The following ITGA9 variants were observed in gnomAD, a reference collection of about 807,000 sequenced individuals.
ITGA9 encodes integrin subunit alpha 9, also known as integrin alpha-9.
Under a neutral mutation model 127.8 loss-of-function variants are expected in ITGA9, and 56 were observed. That is an observed-to-expected ratio of 0.44 (90% confidence interval 0.35 to 0.55). ITGA9 has a LOEUF of 0.55. Among genes scored for constraint, ITGA9 ranks in the 20% least tolerant of loss-of-function variants. The pLI is 0.00. For missense variants in ITGA9, 1,196 were observed against 1,347.1 expected (o/e 0.89, Z 1.76); for synonymous variants, 508 against 514.5 (o/e 0.99, Z 0.17).
intron 16 of ITGA9, among the ~76,000 whole-genome samples, chr3:37,639,094 C>T (rs768338510): frequency 1.3e-5 from 2 of 152,198 alleles, no homozygotes; most frequent in Non-Finnish European, 2.9e-5. Context: ...TCCGTACATA[C>T]AGCCTGATGG....
chr3:37,728,220 A>G (rs1383090833), intron 18 of ITGA9, among the ~76,000 whole-genome samples: 2 of 152,204 alleles, frequency 1.3e-5, no homozygotes, highest in Non-Finnish European at 2.9e-5. Context: ...GGTCCCTGGA[A>G]TCTCTCCCAT....
chr3:37,794,221 G>C (rs1330381545), intron 26 of ITGA9, among the ~76,000 whole-genome samples: 1 of 152,222 alleles, frequency 6.6e-6, no homozygotes, highest in Non-Finnish European at 1.5e-5. Context: ...GGCTCCGGGA[G>C]TGAAGGAGCC....
chr3:37,737,129 G>A, intron 20 of ITGA9, 146 bp downstream of exon 20: 1 of 694,720 alleles, frequency 1.4e-6, no homozygotes, highest in Non-Finnish European at 2.6e-6. Context: ...GCCGCAAAGT[G>A]GAATTGGATT....
At position 37,823,123 on chromosome 3, in the gene ITGA9, G is replaced by A. The variant is rs1697533317; in HGVS notation, c.*4134G>A. ...TGTCTTCTGAATTTTCAGCACATGG[G>A]GGGAATAAGTGAACAAATTTCCCAA... On this transcript the variant is annotated 3_prime_UTR_variant, in exon 28 of 28. Coordinates refer to ENST00000264741, the MANE Select transcript of ITGA9 (RefSeq NM_002207.3). The A allele has an allele frequency of 6.6e-6, 1 of 152,160 alleles. No individual in the cohort carries two copies. The highest frequency in any genetic ancestry group is 6.5e-5 in the Admixed American group (1 of 15,272). 9.4% of individuals were successfully genotyped at this position (152,160 alleles called of 1,614,324 possible). A position where few individuals can be genotyped will look rare whatever the true frequency, so the allele number is the denominator to read the frequency against.
intron 15 of ITGA9, among the ~76,000 whole-genome samples, chr3:37,585,403 C>T (rs985771292): frequency 6.6e-6 from 1 of 152,208 alleles, no homozygotes; most frequent in African/African-American, 2.4e-5. Context: ...GAATCCCTCC[C>T]TCTTTCCCCA....
At chr3:37,813,791 A>G (rs1162949503) in intron 27 of ITGA9, among the ~76,000 whole-genome samples, 1 of 152,182 alleles carries the variant, frequency 6.6e-6, no homozygotes, top group African/African-American at 2.4e-5. Flanking sequence ...CAATTCTGAC[A>G]CTTATTATAA....
chr3:37,789,298 A>T (rs569141871), intron 26 of ITGA9, among the ~76,000 whole-genome samples: 2 of 152,378 alleles, frequency 1.3e-5, no homozygotes, highest in South Asian at 4.1e-4. Context: ...AAGAGTTGGT[A>T]TGATGTGCCT....
chr3:37,726,710 C>T (rs1696210264), intron 18 of ITGA9, among the ~76,000 whole-genome samples: 1 of 152,162 alleles, frequency 6.6e-6, no homozygotes, highest in African/African-American at 2.4e-5. Context: ...TCTTGCAGCC[C>T]CTTCTTTGGC....
intron 23 of ITGA9, among the ~76,000 whole-genome samples, chr3:37,756,935 A>AGTCTGTCTCTTCAGTTT: frequency 6.6e-6 from 1 of 152,070 alleles, no homozygotes; most frequent in African/African-American, 2.4e-5. Flanking sequence ...GAAAAAAAAG[A>AGTCTGTCTCTTCAGTTT]AATCAAAGTT....
In ITGA9 at chr3:37,683,202, C is replaced by T. The variant is rs570280270; in HGVS notation, c.1917-663C>T. ...CCTCCTTGCTGTTACCTGCACATGC[C>T]AGGCACACGCCCACCTCAGGACTTC... On this transcript the variant is annotated intron_variant, in intron 17 of 27. Coordinates refer to ENST00000264741, the MANE Select transcript of ITGA9 (RefSeq NM_002207.3). Among the ~76,000 whole-genome samples the T allele has an allele frequency of 7.2e-5, 11 of 152,296 alleles. No homozygotes were observed. The South Asian group carries it at 1.9e-3, about 26-fold the overall frequency.
intron 18 of ITGA9, among the ~76,000 whole-genome samples, chr3:37,723,327 G>GTT (rs147164814): frequency 8.6e-5 from 13 of 151,322 alleles, no homozygotes; most frequent in South Asian, 2.1e-4. Flanking sequence ...AGATTATCCA[G>GTT]TTTTTTTTGC....
At chr3:37,734,546 GTGGCGCAATCT>G (rs1696335793) in intron 19 of ITGA9, among the ~76,000 whole-genome samples, 1 of 152,212 alleles carries the variant, frequency 6.6e-6, no homozygotes, top group South Asian at 2.1e-4. Flanking sequence ...CTGGAGTGCA[GTGGCGCAATCT>G]TGGCTCACTG....
rs181412868 is a variant in ITGA9 at position 37,822,283 on chromosome 3, C to T, written c.*3294C>T. The T allele has an allele frequency of 1.3e-5, 2 of 151,178 alleles. No individual in the cohort carries two copies. Among genetic ancestry groups the T allele is most frequent in the Admixed American group, 1.3e-4 (2 of 15,184 alleles). The allele number at this position is 151,178 out of a possible 1,614,324, so 9.4% of individuals were successfully genotyped here. ...AATGGTTTTTAAATATGAAAAAGGA[C>T]CTTTGTAAAAATGGAGTAAAACAGT... On this transcript the variant is annotated 3_prime_UTR_variant, in exon 28 of 28. Transcript: ENST00000264741.
intron 18 of ITGA9, among the ~76,000 whole-genome samples, chr3:37,685,515 C>A (rs1286276603): frequency 6.6e-6 from 1 of 152,140 alleles, no homozygotes; most frequent in Non-Finnish European, 1.5e-5. Context: ...CACACAGTAT[C>A]TTTTACAGAA....
intron 15 of ITGA9, among the ~76,000 whole-genome samples, chr3:37,617,364 A>G (rs964137446): frequency 1.9e-4 from 29 of 152,212 alleles, no homozygotes; most frequent in African/African-American, 7.0e-4. Flanking sequence ...CTTTGTGGGT[A>G]ACCCGACCTT....
At chr3:37,659,273 T>C (rs567904287) in intron 17 of ITGA9, among the ~76,000 whole-genome samples, 31 of 152,300 alleles carry the variant, frequency 2.0e-4, no homozygotes, top group Middle Eastern at 3.4e-3. Flanking sequence ...GAAGAGTGTT[T>C]TCCAACTTGG....
intron 17 of ITGA9, among the ~76,000 whole-genome samples, chr3:37,676,607 G>A (rs1054583507): frequency 6.6e-6 from 1 of 152,336 alleles, no homozygotes; most frequent in East Asian, 1.9e-4. Context: ...GACCCCAGGT[G>A]GAACCACTTA....
intron 23 of ITGA9, among the ~76,000 whole-genome samples, chr3:37,760,711 AT>A (rs974553433): frequency 6.6e-5 from 10 of 152,242 alleles, no homozygotes; most frequent in South Asian, 6.2e-4. Flanking sequence ...GTTAAAAAAA[AT>A]ATTTGCAGAA....
In ITGA9 at chr3:37,814,819, G is replaced by A. The variant is rs12489755; in HGVS notation, c.3010-4072G>A. ...AGTGGTATCCCCCAGCCCCTTAAAT[G>A]CAGTGTAGCACCTGCACTACTGTAC... On this transcript the variant is annotated intron_variant, in intron 27 of 27. Transcript: ENST00000264741. This position sits in a 1 kb window ranked among gnomAD's most constrained non-coding sequence, Gnocchi z 4.3. Among the ~76,000 whole-genome samples, 17 of 152,144 alleles carry A rather than the reference G, an allele frequency of 1.1e-4. No homozygotes were observed. Among genetic ancestry groups the A allele is most frequent in the Admixed American group, 1.1e-3 (17 of 15,270 alleles).
Sources: allele counts gnomAD v4.1 joint callset (sites outside exome capture counted in the v4.1 genomes callset), GRCh38; gene constraint gnomAD v4.1.1; non-coding constraint Gnocchi (gnomAD v3.1); transcripts MANE v1.5; gene names NCBI Gene and HGNC (gene_info 2026-07-23, HGNC 2026-07-21).